The following MKLN1 variants were observed in gnomAD, a reference collection of about 807,000 sequenced individuals.
MKLN1 encodes muskelin.
MKLN1 carries 18 observed loss-of-function variants against 99.0 expected under a neutral mutation model. The ratio of observed to expected loss-of-function variants is 0.18; its 90% confidence interval spans 0.13 to 0.27. MKLN1 has a LOEUF of 0.27. Among genes scored for constraint, MKLN1 ranks in the 10% least tolerant of loss-of-function variants. The pLI is 1.00. For synonymous variants in MKLN1, 288 were observed against 293.2 expected, an observed-to-expected ratio of 0.98 and a Z score of 0.18; for missense variants, 621 against 875.9, an observed-to-expected ratio of 0.71 and a Z score of 3.67.
At chr7:131,185,231 C>T (rs185057839) in intron 2 of MKLN1, among the ~76,000 whole-genome samples, 8 of 152,220 alleles carry the variant, frequency 5.3e-5, no homozygotes, top group African/African-American at 1.2e-4. Context: ...ACCTTAAGCA[C>T]GTGACTGGTA....
At chr7:131,180,424 C>T (rs754383925) in intron 2 of MKLN1, among the ~76,000 whole-genome samples, 1 of 152,202 alleles carries the variant, frequency 6.6e-6, no homozygotes, top group Middle Eastern at 3.4e-3. Flanking sequence ...TAAGGCCGGG[C>T]GCAGTGGCTC....
intron 2 of MKLN1, among the ~76,000 whole-genome samples, chr7:131,165,193 T>C (rs1022109718): frequency 2.6e-5 from 4 of 152,072 alleles, no homozygotes; most frequent in Admixed American, 6.6e-5. Context: ...TTGTTTTCTT[T>C]TGCTTTTTTG....
intron 16 of MKLN1, among the ~76,000 whole-genome samples, chr7:131,474,289 C>T (rs914851529): frequency 6.6e-6 from 1 of 152,126 alleles, no homozygotes; most frequent in African/African-American, 2.4e-5. Context: ...GCCTGAAAAA[C>T]TGGAAGGATG....
intron 3 of MKLN1, among the ~76,000 whole-genome samples, chr7:131,299,726 G>C (rs1260387845): frequency 2.0e-5 from 3 of 152,208 alleles, no homozygotes; most frequent in African/African-American, 2.4e-5. Context: ...GTCTATTTCA[G>C]AGAAATGGGA....
intron 2 of MKLN1, among the ~76,000 whole-genome samples, chr7:131,177,468 CAA>C (rs11351761): frequency 6.6e-4 from 70 of 106,014 alleles, no homozygotes; most frequent in Non-Finnish European, 6.4e-4. Flanking sequence ...GACTCCATCT[CAA>C]AAAAAAAAAA....
chr7:131,183,901 AC>A (rs1325403065), intron 2 of MKLN1, among the ~76,000 whole-genome samples: 1 of 151,748 alleles, frequency 6.6e-6, no homozygotes, highest in Admixed American at 6.6e-5. Flanking sequence ...GCTTGTGGGA[AC>A]CAGTCCTGGC....
intron 11 of MKLN1, among the ~76,000 whole-genome samples, chr7:131,445,403 G>A (rs1429421706): frequency 6.6e-6 from 1 of 152,086 alleles, no homozygotes; most frequent in African/African-American, 2.4e-5. Context: ...AAAAAAAGAA[G>A]CAATCTCTAT....
At chr7:131,289,397 G>A (rs920661376) in intron 3 of MKLN1, among the ~76,000 whole-genome samples, 4 of 152,126 alleles carry the variant, frequency 2.6e-5, no homozygotes, top group Admixed American at 6.6e-5. Flanking sequence ...AGACCAAGGC[G>A]GGAGGATCCC....
rs139087867 is a variant in MKLN1, at chr7:131,161,097, A to G, written c.-297+18156A>G. Among the ~76,000 whole-genome samples, 1,118 of 152,328 alleles carry G rather than the reference A, an allele frequency of 7.3e-3. 7 individuals are homozygous for G. Among genetic ancestry groups the G allele is most frequent in the Non-Finnish European group, 0.013 (856 of 68,036 alleles). On this transcript the variant is annotated intron_variant, in intron 2 of 7. Coordinates refer to the MKLN1 transcript ENST00000416992. Reference sequence around the variant, plus strand: ...ATACAATAGATGGGGAGTGACCATAAGGAAGTACCCCTTAAAGTAACTAAA... The same window carrying G: ...ATACAATAGATGGGGAGTGACCATAGGGAAGTACCCCTTAAAGTAACTAAA...
Position 131,188,241 on chromosome 7 carries a change from G to A in MKLN1, c.-296-14616G>A, listed in dbSNP as rs576764991. 2.1e-4 allele frequency among the ~76,000 whole-genome samples: 32 copies of A among 152,288 alleles called. No individual in the cohort carries two copies. The South Asian group carries it at 5.2e-3, about 25-fold the overall frequency. ...TCTGAGCTTCCTAGCCATGGGGGGC[G>A]TTGGGGGGAAGAAGATAATTGATCA... is the stretch of plus-strand genomic sequence containing the variant. On this transcript the variant is annotated intron_variant, in intron 2 of 7. Coordinates refer to the MKLN1 transcript ENST00000416992.
At chr7:131,185,923 T>C (rs955640997) in intron 2 of MKLN1, among the ~76,000 whole-genome samples, 3 of 152,122 alleles carry the variant, frequency 2.0e-5, no homozygotes, top group African/African-American at 4.8e-5. Flanking sequence ...CCGGGGGTGG[T>C]GGTGCAGGCC....
chr7:131,184,691 A>G (rs1421272703), intron 2 of MKLN1, among the ~76,000 whole-genome samples: 2 of 152,012 alleles, frequency 1.3e-5, no homozygotes, highest in East Asian at 1.9e-4. Flanking sequence ...CATCCAGCTA[A>G]TCTTTTTGTA....
Position 131,488,279 on chromosome 7 carries a change from G to A in MKLN1, c.*551G>A, listed in dbSNP as rs1797340269. On this transcript the variant is annotated 3_prime_UTR_variant, in exon 18 of 18. Coordinates refer to ENST00000352689, the MANE Select transcript of MKLN1 (RefSeq NM_013255.5). ...TAGGACAGTTGATGTATGTTAAGGT[G>A]ATATCTGTGTCTGTATTGACTTGTC... 1 of 152,000 alleles carries A rather than the reference G, an allele frequency of 6.6e-6. No homozygotes were observed. Among genetic ancestry groups the A allele is most frequent in the Non-Finnish European group, 1.5e-5 (1 of 68,006 alleles). The allele number at this position is 152,000 out of a possible 1,614,324, so 9.4% of individuals were successfully genotyped here.
At chr7:131,361,780 T>C (rs920997853) in intron 1 of MKLN1, among the ~76,000 whole-genome samples, 12 of 152,020 alleles carry the variant, frequency 7.9e-5, no homozygotes, top group Non-Finnish European at 1.6e-4. Flanking sequence ...ATTCCACTTA[T>C]TCTCCATTCT....
chr7:131,322,139 CTTTG>C (rs1297509374), intron 3 of MKLN1, among the ~76,000 whole-genome samples: 2 of 152,100 alleles, frequency 1.3e-5, no homozygotes, highest in Non-Finnish European at 2.9e-5. Flanking sequence ...GGGGTGTTTT[CTTTG>C]TTTTTGTTTT....
intron 1 of MKLN1, among the ~76,000 whole-genome samples, chr7:131,351,791 A>G (rs1410565617): frequency 6.6e-6 from 1 of 152,234 alleles, no homozygotes; most frequent in Non-Finnish European, 1.5e-5. Flanking sequence ...TTCAGGAGGC[A>G]CAAAATGTGG....
chr7:131,473,786 A>T (rs370865941), intron 16 of MKLN1, among the ~76,000 whole-genome samples: 18 of 152,320 alleles, frequency 1.2e-4, no homozygotes, highest in East Asian at 9.6e-4. Flanking sequence ...CCTGCCCAGG[A>T]GGTACTTACA....
At position 131,191,879 on chromosome 7, in the gene MKLN1, AT is replaced by A. The variant is rs113730048; in HGVS notation, c.-296-10965del. ...CAGGCAGCTGCCACCATGCCTGACT[AT>A]TTTTTTTTTTTTGTATTGTAGTAGA... On this transcript the variant is annotated intron_variant, in intron 2 of 7. Coordinates refer to the MKLN1 transcript ENST00000416992. Among the ~76,000 whole-genome samples, 988 of 136,712 alleles carry A rather than the reference AT, an allele frequency of 7.2e-3. 12 individuals are homozygous for A. The highest frequency in any genetic ancestry group is 0.021 in the African/African-American group (770 of 37,298). The allele number at this position is 136,712 out of a possible 152,430, so 89.7% of individuals were successfully genotyped here.
At chr7:131,382,714 A>ATATTT (rs71174944) in intron 2 of MKLN1, among the ~76,000 whole-genome samples, 64,722 of 148,792 alleles carry the variant, frequency 0.43, 14,390 homozygotes, top group East Asian at 0.67. Context: ...TTAGCTATAG[A>ATATTT]TATTTTATTT....
Sources: allele counts gnomAD v4.1 joint callset (sites outside exome capture counted in the v4.1 genomes callset), GRCh38; gene constraint gnomAD v4.1.1; transcripts MANE v1.5; gene names NCBI Gene and HGNC (gene_info 2026-07-23, HGNC 2026-07-21).